ACOT8: variants seen among roughly 807,000 people sequenced by gnomAD.
ACOT8 encodes acyl-CoA thioesterase 8.
In ACOT8, 31 loss-of-function variants were observed where a neutral mutation model predicts 38.4. That is an observed-to-expected ratio of 0.81 (90% CI 0.61 to 1.09). ACOT8 has a LOEUF of 1.09. Among genes scored for constraint, ACOT8 ranks in the 50% least tolerant of loss-of-function variants. The pLI, the probability that ACOT8 is intolerant of heterozygous loss-of-function variation, is 0.00. For missense variants in ACOT8, 373 were observed against 421.8 expected (o/e 0.88, Z 1.01); for synonymous variants, 158 against 170.3 (o/e 0.93, Z 0.56).
chr20:45,851,309 C>T (rs1985041056), intron 2 of ACOT8, among the ~76,000 whole-genome samples: 2 of 152,186 alleles, frequency 1.3e-5, no homozygotes, highest in Admixed American at 6.5e-5. Context: ...GTTACTTGTG[C>T]AGTCTGCTTT....
intron 3 of ACOT8, among the ~76,000 whole-genome samples, chr20:45,844,634 T>C (rs979071592): frequency 6.6e-6 from 1 of 152,284 alleles, no homozygotes; most frequent in South Asian, 2.1e-4. Context: ...TCTGAGTCTA[T>C]TTTCCCATCT....
Position 45,857,240 on chromosome 20 carries a change from C to CCAA in ACOT8, c.75_76insTTG (p.Ser25_Val26insLeu). On this transcript the variant is annotated inframe_insertion, in exon 1 of 6. Coordinates refer to ENST00000217455, the MANE Select transcript of ACOT8 (RefSeq NM_005469.4). ...AGGTTGAGCACGGTCGTGACCAAGA[C>CCAA]GCTACGGAGGTCCCCAGGGGGATCG... The CCAA allele has an allele frequency of 6.2e-7, 1 of 1,613,754 alleles. No homozygotes were observed. The highest frequency in any genetic ancestry group is 1.7e-5 in the Admixed American group (1 of 60,028).
At chr20:45,854,028 T>G (rs1197886815) in intron 2 of ACOT8, 4 of 1,233,680 alleles carry the variant, frequency 3.2e-6, no homozygotes, top group Non-Finnish European at 4.2e-6. Flanking sequence ...GGGTTTTTTT[T>G]GTTTGTTTTT....
At chr20:45,842,969 C>G in intron 5 of ACOT8, 1 of 1,015,128 alleles carries the variant, frequency 9.9e-7, no homozygotes, top group Admixed American at 5.1e-5. Context: ...TCTTGTTTCT[C>G]TCCCCTGCAA....
intron 5 of ACOT8, chr20:45,842,240 T>G (rs1319610422): frequency 1.4e-6 from 2 of 1,443,578 alleles, no homozygotes. Flanking sequence ...CTTCATGAGC[T>G]TATTATGGAC....
At chr20:45,853,263 A>C (rs962357712) in intron 2 of ACOT8, among the ~76,000 whole-genome samples, 3 of 152,202 alleles carry the variant, frequency 2.0e-5, no homozygotes, top group Non-Finnish European at 2.9e-5. Context: ...AAAGACACAT[A>C]AACCAGGTTC....
intron 3 of ACOT8, among the ~76,000 whole-genome samples, chr20:45,845,291 G>A (rs1381340840): frequency 6.6e-6 from 1 of 152,130 alleles, no homozygotes; most frequent in Non-Finnish European, 1.5e-5. Flanking sequence ...GTTTCACTGT[G>A]TTGGCCAGGG....
intron 2 of ACOT8, among the ~76,000 whole-genome samples, chr20:45,849,353 C>T (rs929555225): frequency 5.9e-5 from 9 of 151,972 alleles, no homozygotes; most frequent in African/African-American, 1.7e-4. Flanking sequence ...GGTGTAATCT[C>T]GGCTCACTGC....
chr20:45,855,354 C>T, intron 1 of ACOT8, 62 bp from the exon 2 acceptor site: 1 of 1,585,778 alleles, frequency 6.3e-7, no homozygotes, highest in South Asian at 1.1e-5. Context: ...ACTACCCTCA[C>T]TAAGACTCTA....
intron 5 of ACOT8, 34 bp from the exon 6 acceptor site, chr20:45,841,990 T>A: frequency 6.2e-7 from 1 of 1,610,270 alleles, no homozygotes; most frequent in Non-Finnish European, 8.5e-7. Flanking sequence ...GATGGCCTGC[T>A]TCAGAACAGC....
At chr20:45,844,126 G>A (rs1179112142) in intron 4 of ACOT8, 137 bp downstream of exon 4, 1 of 1,239,390 alleles carries the variant, frequency 8.1e-7, no homozygotes. Flanking sequence ...GCCCAGGTGA[G>A]AAGCTAAGCC....
chr20:45,844,525 A>G (rs1984532330), intron 3 of ACOT8, 105 bp from the exon 4 acceptor site: 1 of 1,348,040 alleles, frequency 7.4e-7, no homozygotes, highest in Admixed American at 2.3e-5. Context: ...GACCCCTGAT[A>G]TCCCCAAAGC....
rs541543827 is a variant in ACOT8 at position 45,850,693 on chromosome 20, C to T, written c.263-2018G>A. 6.2e-4 allele frequency among the ~76,000 whole-genome samples: 95 copies of T among 152,084 alleles called. 2 individuals are homozygous for T. In the South Asian group the frequency reaches 0.014, roughly 22 times the overall value. ...GCAACACAGGGAGACCCTGTTTCTACAAAAAATAAAAAATAAAAATTAGCT... is the reference window on the plus strand; with the variant it reads ...GCAACACAGGGAGACCCTGTTTCTATAAAAAATAAAAAATAAAAATTAGCT... On this transcript the variant is annotated intron_variant, in intron 2 of 5. Coordinates refer to ENST00000217455, the MANE Select transcript of ACOT8 (RefSeq NM_005469.4).
rs780584748 is a variant in ACOT8, at chr20:45,841,743, T to C, written c.*95A>G. 2.8e-6 allele frequency: 4 copies of C among 1,451,806 alleles called. No individual in the cohort carries two copies. Among genetic ancestry groups the C allele is most frequent in the Non-Finnish European group, 3.6e-6 (4 of 1,109,034 alleles). 89.9% of individuals were successfully genotyped at this position (1,451,806 alleles called of 1,614,324 possible). On this transcript the variant is annotated 3_prime_UTR_variant, in exon 6 of 6. Coordinates refer to ENST00000217455, the MANE Select transcript of ACOT8 (RefSeq NM_005469.4). Reference sequence around the variant, plus strand: ...CACTCCAGTGGTATCAGTCTCTTTATTGGATGTGAGGGCCAAAAGGGACTG... The same window carrying C: ...CACTCCAGTGGTATCAGTCTCTTTACTGGATGTGAGGGCCAAAAGGGACTG...
At position 45,841,797 on chromosome 20, in the gene ACOT8, T is replaced by C. The variant is rs1345410976; in HGVS notation, c.*41A>G. 2 of 1,552,766 alleles carry C rather than the reference T, an allele frequency of 1.3e-6. No individual in the cohort carries two copies. The highest frequency in any genetic ancestry group is 1.2e-5 in the South Asian group (1 of 83,428). On this transcript the variant is annotated 3_prime_UTR_variant, in exon 6 of 6. Coordinates refer to ENST00000217455, the MANE Select transcript of ACOT8 (RefSeq NM_005469.4). Reference sequence around the variant, plus strand: ...CTCCTGTCTCAGGAATGGGGATAGATGGGAGGTTCTTGAAGCCCCAGGCGA... The same window carrying C: ...CTCCTGTCTCAGGAATGGGGATAGACGGGAGGTTCTTGAAGCCCCAGGCGA...
intron 2 of ACOT8, chr20:45,853,842 T>C (rs1985217439): frequency 9.3e-7 from 1 of 1,071,924 alleles, no homozygotes. Flanking sequence ...TGAAAAAGTG[T>C]ATTTACCATT....
chr20:45,849,475 C>CAG (rs10668633), intron 2 of ACOT8, among the ~76,000 whole-genome samples: 94,843 of 148,500 alleles, frequency 0.64, 30,474 homozygotes, highest in Admixed American at 0.71. Flanking sequence ...TTTTGAGAGA[C>CAG]AGTTTCGCTG....
intron 1 of ACOT8, among the ~76,000 whole-genome samples, chr20:45,856,192 AG>A (rs774693785): frequency 3.1e-4 from 47 of 152,324 alleles, no homozygotes; most frequent in Non-Finnish European, 6.3e-4. Flanking sequence ...TGGGCCCAGG[AG>A]GTCGAGGTTG....
At chr20:45,855,326 G>A (rs771280604) in intron 1 of ACOT8, 34 bp from the exon 2 acceptor site, 3 of 1,612,274 alleles carry the variant, frequency 1.9e-6, no homozygotes, top group Non-Finnish European at 2.5e-6. Flanking sequence ...GAAAGACTTG[G>A]GAACTGGGCC....
Sources: gnomAD v4.1 joint callset for allele counts (sites outside exome capture counted in the v4.1 genomes callset) on GRCh38, gnomAD v4.1.1 for gene constraint, MANE v1.5 for transcripts, NCBI Gene and HGNC (gene_info 2026-07-23, HGNC 2026-07-21) for gene names.